The following GPC6 variants were observed in gnomAD, a reference collection of about 807,000 sequenced individuals.
GPC6 encodes the protein glypican-6.
In GPC6, 14 loss-of-function variants were observed where a neutral mutation model predicts 55.2. That is an observed-to-expected ratio of 0.25 (90% CI 0.17 to 0.40). The LOEUF is 0.40. Among genes scored for constraint, GPC6 ranks in the 10% least tolerant of loss-of-function variants. The pLI, the probability that GPC6 is intolerant of heterozygous loss-of-function variation, is 1.00. For synonymous variants in GPC6, 278 were observed against 259.6 expected, an observed-to-expected ratio of 1.07 and a Z score of -0.68; for missense variants, 641 against 708.5, an observed-to-expected ratio of 0.90 and a Z score of 1.08.
At chr13:93,254,161 AAAAACAAAATCACAGTT>A (rs1447722983) in intron 1 of GPC6, among the ~76,000 whole-genome samples, 23 of 152,242 alleles carry the variant, frequency 1.5e-4, no homozygotes, top group Admixed American at 6.5e-4. Flanking sequence ...TGTCTCTACA[AAAAACAAAATCACAGTT>A]AGTCAGGTGT....
chr13:93,345,306 G>A (rs1355774013), intron 1 of GPC6, among the ~76,000 whole-genome samples: 1 of 152,088 alleles, frequency 6.6e-6, no homozygotes, highest in African/African-American at 2.4e-5. Context: ...AGGATTCAGT[G>A]AGATAACACA....
At chr13:93,390,376 C>T (rs1875577104) in intron 1 of GPC6, among the ~76,000 whole-genome samples, 1 of 152,036 alleles carries the variant, frequency 6.6e-6, no homozygotes, top group Non-Finnish European at 1.5e-5. Flanking sequence ...ATGTCTATCA[C>T]ATTATGACTT....
intron 4 of GPC6, among the ~76,000 whole-genome samples, chr13:94,192,349 C>A (rs1889421844): frequency 6.6e-6 from 1 of 152,212 alleles, no homozygotes; most frequent in Admixed American, 6.5e-5. Context: ...GATAAAGCCT[C>A]AGGTCTTCCT....
chr13:94,177,102 A>T (rs1243696705), intron 4 of GPC6, among the ~76,000 whole-genome samples: 1 of 152,250 alleles, frequency 6.6e-6, no homozygotes, highest in East Asian at 1.9e-4. Flanking sequence ...GGAAGAAGTT[A>T]TCAATTCTGT....
At chr13:94,036,467 G>A (rs1369983635) in intron 4 of GPC6, among the ~76,000 whole-genome samples, 2 of 152,012 alleles carry the variant, frequency 1.3e-5, no homozygotes, top group Admixed American at 6.6e-5. Flanking sequence ...ATATCTGTAT[G>A]CATCACATTT....
intron 2 of GPC6, among the ~76,000 whole-genome samples, chr13:93,691,728 G>A (rs976935738): frequency 4.0e-5 from 6 of 151,826 alleles, no homozygotes; most frequent in Admixed American, 1.3e-4. Flanking sequence ...TGTCCTGTAT[G>A]GGCCTGGAAG....
intron 1 of GPC6, among the ~76,000 whole-genome samples, chr13:93,509,516 A>G (rs902054949): frequency 1.8e-4 from 28 of 152,204 alleles, no homozygotes; most frequent in African/African-American, 6.5e-4. Context: ...GAACAATATA[A>G]TGAGTAAACC....
At chr13:93,965,400 G>T (rs962236349) in intron 3 of GPC6, among the ~76,000 whole-genome samples, 1 of 152,004 alleles carries the variant, frequency 6.6e-6, no homozygotes, top group African/African-American at 2.4e-5. Flanking sequence ...GACAGAGCAA[G>T]ACTCCATCTC....
Position 93,786,884 on chromosome 13 carries a change from G to A in GPC6, c.320-43270G>A, listed in dbSNP as rs192127306. On this transcript the variant is annotated intron_variant, in intron 2 of 8. Coordinates refer to ENST00000377047, the MANE Select transcript of GPC6 (RefSeq NM_005708.5). Reference sequence around the variant, plus strand: ...AAAAATGTGATATTATTTTCAACCCGCTGAGCCTATTATGTCTGCATCTCC... The same window carrying A: ...AAAAATGTGATATTATTTTCAACCCACTGAGCCTATTATGTCTGCATCTCC... Among the ~76,000 whole-genome samples, 572 of 152,212 alleles carry A rather than the reference G, an allele frequency of 3.8e-3. 3 individuals carry two copies. The highest frequency in any genetic ancestry group is 6.0e-3 in the Non-Finnish European group (407 of 68,012).
At chr13:93,844,134 G>A (rs967983401) in intron 3 of GPC6, among the ~76,000 whole-genome samples, 1 of 151,892 alleles carries the variant, frequency 6.6e-6, no homozygotes, top group African/African-American at 2.4e-5. Flanking sequence ...CCATCATTTG[G>A]TGTAAACACT....
chr13:93,636,354 T>C (rs894000537), intron 2 of GPC6, among the ~76,000 whole-genome samples: 3 of 152,208 alleles, frequency 2.0e-5, no homozygotes, highest in Non-Finnish European at 2.9e-5. Context: ...ATTGAAATTC[T>C]GTTGTTGGAA....
At chr13:93,964,268 G>A (rs966556538) in intron 3 of GPC6, among the ~76,000 whole-genome samples, 1 of 152,174 alleles carries the variant, frequency 6.6e-6, no homozygotes, top group Non-Finnish European at 1.5e-5. Flanking sequence ...TGACAATTCA[G>A]TCATTGCTTC....
chr13:94,392,415 ATTTTTTT>A (rs59173357), intron 7 of GPC6, among the ~76,000 whole-genome samples: 6 of 105,670 alleles, frequency 5.7e-5, no homozygotes, highest in African/African-American at 1.0e-4. Context: ...TCTATTTTTA[ATTTTTTT>A]TTTTTTTTTT....
At chr13:93,763,512 G>T (rs1297487227) in intron 2 of GPC6, among the ~76,000 whole-genome samples, 1 of 152,110 alleles carries the variant, frequency 6.6e-6, no homozygotes, top group Non-Finnish European at 1.5e-5. Flanking sequence ...TCTCGGAGAG[G>T]TTTTCCATTA....
intron 1 of GPC6, among the ~76,000 whole-genome samples, chr13:93,488,632 T>C (rs1157752142): frequency 6.6e-6 from 1 of 152,296 alleles, no homozygotes; most frequent in Non-Finnish European, 1.5e-5. Context: ...CCAGCACCTG[T>C]TGTTTCCTGA....
intron 6 of GPC6, among the ~76,000 whole-genome samples, chr13:94,381,529 AC>A (rs1279145010): frequency 2.0e-5 from 3 of 152,096 alleles, no homozygotes; most frequent in Non-Finnish European, 4.4e-5. Flanking sequence ...CACCCACATG[AC>A]TTCACTTTAA....
chr13:94,049,489 CA>C (rs1883859311), intron 4 of GPC6, among the ~76,000 whole-genome samples: 1 of 152,224 alleles, frequency 6.6e-6, no homozygotes, highest in Middle Eastern at 3.4e-3. Context: ...ACTGTGAAAT[CA>C]GAAGACATGA....
chr13:93,940,394 TTGGATGAATGGA>T (rs979695798), intron 3 of GPC6, among the ~76,000 whole-genome samples: 6 of 149,300 alleles, frequency 4.0e-5, no homozygotes, highest in East Asian at 3.9e-4. Context: ...GGATGGACGG[TTGGATGAATGGA>T]TGGATGAATG....
intron 2 of GPC6, among the ~76,000 whole-genome samples, chr13:93,570,443 A>T (rs1833730116): frequency 6.6e-6 from 1 of 152,172 alleles, no homozygotes; most frequent in Non-Finnish European, 1.5e-5. Flanking sequence ...TTTATGTATT[A>T]TGCAGAGTTA....
Sources: gnomAD v4.1 joint callset for allele counts (sites outside exome capture counted in the v4.1 genomes callset) on GRCh38, gnomAD v4.1.1 for gene constraint, MANE v1.5 for transcripts, NCBI Gene and HGNC (gene_info 2026-07-23, HGNC 2026-07-21) for gene names.